The following MORC3 variants were observed in gnomAD, a reference collection of about 807,000 sequenced individuals.
MORC3 encodes the protein MORC family CW-type zinc finger protein 3.
A neutral mutation model predicts 109.1 loss-of-function variants in MORC3; 31 were observed. The observed-to-expected ratio is 0.28, with a 90% confidence interval of 0.21 to 0.38. The LOEUF is 0.38. Ranked by LOEUF, MORC3 falls within the 10% of genes least tolerant of loss-of-function variation. The pLI, the probability that MORC3 is intolerant of heterozygous loss-of-function variation, is 1.00. For synonymous variants in MORC3, 395 were observed against 380.7 expected, an observed-to-expected ratio of 1.04 and a Z score of -0.44; for missense variants, 867 against 1,135.8, an observed-to-expected ratio of 0.76 and a Z score of 3.40.
rs1394781049 is a variant in MORC3 at position 36,372,435 on chromosome 21, A to C, written c.2570A>C (p.Glu857Ala). The C allele has an allele frequency of 6.2e-7, 1 of 1,607,288 alleles. No homozygotes were observed. The highest frequency in any genetic ancestry group is 1.3e-5 in the African/African-American group (1 of 74,726). The part of the protein sequence containing the change: ...IRSQCEELKT[E>A]VEQLKSTNQQ... ...TCACAGTGTGAAGAACTCAAAACTG[A>C]AGTAGAACAGTTAAAATCTACAAAT... Residue 857 changes from glutamate (E) to alanine (A), a missense_variant, in exon 16 of 17, where the codon GAA (glutamate) becomes GCA (alanine). Glu to Ala is a moderately radical substitution (Grantham distance 107). Transcript: ENST00000400485.
chr21:36,369,047 G>C lies in MORC3; in HGVS notation c.1679G>C (p.Ser560Thr), dbSNP rs775154863. Residue 560 changes from serine to threonine, a missense_variant, in exon 15 of 17, where the codon AGT (serine) becomes ACT (threonine). Around this residue, in one of 7 missense-constraint regions of MORC3, gnomAD observed 486 missense variants for 502.1 expected, o/e 0.97. Transcript: ENST00000400485. The stretch of plus-strand genomic sequence containing the variant: ...TTGAATGCAAAGAATCGGAGATTGA[G>C]TAGTCAGTTTGAAAATTCAGTTTAT... ...SILNAKNRRL[S>T]SQFENSVYKG... 1.2e-5 allele frequency: 20 copies of C among 1,613,974 alleles called. No individual in the cohort carries two copies. The East Asian group carries it at 4.5e-4, about 36-fold the overall frequency.
At chr21:36,339,083 C>T in intron 5 of MORC3, 162 bp downstream of exon 5, 1 of 742,552 alleles carries the variant, frequency 1.3e-6, no homozygotes. Context: ...GTTATAGAGG[C>T]CATTTCAGCT....
At chr21:36,336,837 T>G in intron 2 of MORC3, 37 bp from the exon 3 acceptor site, 1 of 1,572,932 alleles carries the variant, frequency 6.4e-7, no homozygotes, top group Non-Finnish European at 8.6e-7. Context: ...CTTTTTAAAG[T>G]GTAAAATCAG....
intron 1 of MORC3, among the ~76,000 whole-genome samples, chr21:36,322,813 G>T (rs1441675570): frequency 6.6e-6 from 1 of 151,758 alleles, no homozygotes; most frequent in African/African-American, 2.4e-5. Flanking sequence ...GGTTTTTGTT[G>T]TTGATTTTTT....
chr21:36,352,663 T>C (rs1157389637), intron 9 of MORC3, among the ~76,000 whole-genome samples: 1 of 152,194 alleles, frequency 6.6e-6, no homozygotes, highest in Admixed American at 6.6e-5. Flanking sequence ...ATGTTCAGCT[T>C]GTACCAGTAG....
In MORC3 at chr21:36,364,105, CTGT is replaced by C; in HGVS notation, c.1470_1472del (p.Leu490del). On this transcript the variant is annotated inframe_deletion, in exon 14 of 17. Transcript: ENST00000400485. ...TTCCCTCCAACAGATTAATGCTGAA[CTGT>C]TGTTTCGGCCAACTGCTCTTTCAAC... 1 of 1,613,974 alleles carries C rather than the reference CTGT, an allele frequency of 6.2e-7. No homozygotes were observed. Among genetic ancestry groups the C allele is most frequent in the Non-Finnish European group, 8.5e-7 (1 of 1,179,988 alleles).
At chr21:36,372,583 A>G (rs1195282572) in intron 16 of MORC3, 52 bp downstream of exon 16, 4 of 1,496,004 alleles carry the variant, frequency 2.7e-6, no homozygotes, top group African/African-American at 1.4e-5. Flanking sequence ...TTAGGATACT[A>G]TTTATTTTTA....
chr21:36,344,150 G>T (rs1320563978), intron 6 of MORC3, among the ~76,000 whole-genome samples: 1 of 151,722 alleles, frequency 6.6e-6, no homozygotes, highest in Non-Finnish European at 1.5e-5. Flanking sequence ...TTTGAGGTGG[G>T]GGGGTCTCCC....
chr21:36,364,651 A>G (rs1198922918), intron 14 of MORC3, among the ~76,000 whole-genome samples: 1 of 152,044 alleles, frequency 6.6e-6, no homozygotes, highest in Non-Finnish European at 1.5e-5. Flanking sequence ...CGTCTCAAAA[A>G]AAAAAAGCAT....
In MORC3 at chr21:36,356,728, A is replaced by C. The variant is rs764883406; in HGVS notation, c.1208+4A>C. The C allele has an allele frequency of 6.7e-7, 1 of 1,501,768 alleles. No homozygotes were observed. The highest frequency in any genetic ancestry group is 9.1e-7 in the Non-Finnish European group (1 of 1,094,492). The allele number at this position is 1,501,768 out of a possible 1,614,324, so 93.0% of individuals were successfully genotyped here. A position where few individuals can be genotyped will look rare whatever the true frequency, so the allele number is the denominator to read the frequency against. On this transcript the variant is annotated splice_donor_region_variant and intron_variant, in intron 10 of 16. Transcript: ENST00000400485. ...ATTTGCCAGTTGAAGATATACAGTAAGTACATTTTTAAAACATATCATTTC... is the reference window on the plus strand; with the variant it reads ...ATTTGCCAGTTGAAGATATACAGTACGTACATTTTTAAAACATATCATTTC...
intron 15 of MORC3, among the ~76,000 whole-genome samples, chr21:36,371,428 T>C (rs1427102615): frequency 2.0e-5 from 2 of 97,964 alleles, no homozygotes; most frequent in Admixed American, 1.1e-4. Flanking sequence ...CCCAAAATCT[T>C]AGCCTAGCCT....
At chr21:36,344,731 A>G in intron 7 of MORC3, 24 bp downstream of exon 7, 1 of 1,611,368 alleles carries the variant, frequency 6.2e-7, no homozygotes, top group African/African-American at 1.3e-5. Context: ...GATTCCTTAT[A>G]GAGATATGTT....
At chr21:36,320,329 G>C (rs1274155198) in intron 1 of MORC3, 26 bp downstream of exon 1, 1 of 1,477,806 alleles carries the variant, frequency 6.8e-7, no homozygotes, top group Non-Finnish European at 9.0e-7. Context: ...GGGTGGAGCG[G>C]GCCGTGTCCC....
chr21:36,364,476 T>C (rs2085755497), intron 14 of MORC3, among the ~76,000 whole-genome samples: 1 of 152,110 alleles, frequency 6.6e-6, no homozygotes, highest in African/African-American at 2.4e-5. Context: ...TTAAAAAGTA[T>C]TAATTGACCA....
At position 36,369,728 on chromosome 21, in the gene MORC3, G is replaced by T; in HGVS notation, c.2360G>T (p.Cys787Phe). The change falls in exon 15 of 17, where the codon TGT becomes TTT. Residue 787 changes from cysteine to phenylalanine, a missense_variant. Physicochemically the swap from Cys to Phe is radical, Grantham distance 205. Transcript: ENST00000400485. ...GAAATAGAAAGGCTGAAAAAACAATGTAGTGCTTTGCAACATGTAAAGGCT... is the reference window on the plus strand; with the variant it reads ...GAAATAGAAAGGCTGAAAAAACAATTTAGTGCTTTGCAACATGTAAAGGCT... ...LEEIERLKKQCSALQHVKAEC... is the reference protein window; with the variant it reads ...LEEIERLKKQFSALQHVKAEC... The T allele has an allele frequency of 6.2e-7, 1 of 1,614,184 alleles. No individual in the cohort carries two copies. Among genetic ancestry groups the T allele is most frequent in the South Asian group, 1.1e-5 (1 of 91,082 alleles).
intron 1 of MORC3, among the ~76,000 whole-genome samples, chr21:36,322,180 T>C (rs1003001332): frequency 6.6e-6 from 1 of 152,148 alleles, no homozygotes; most frequent in Non-Finnish European, 1.5e-5. Flanking sequence ...GAAGAATGTT[T>C]AGTGACATAA....
chr21:36,328,175 C>G (rs1236829553), intron 1 of MORC3, among the ~76,000 whole-genome samples: 2 of 151,874 alleles, frequency 1.3e-5, no homozygotes, highest in Non-Finnish European at 2.9e-5. Flanking sequence ...CCACGCCCAG[C>G]TGTCCTATAT....
At chr21:36,350,314 A>G (rs538134921) in intron 9 of MORC3, among the ~76,000 whole-genome samples, 4 of 152,180 alleles carry the variant, frequency 2.6e-5, no homozygotes, top group Admixed American at 2.6e-4. Context: ...CTCAGGAAAA[A>G]AAAGACCACG....
At chr21:36,334,560 G>C (rs1426036161) in intron 2 of MORC3, among the ~76,000 whole-genome samples, 1 of 152,098 alleles carries the variant, frequency 6.6e-6, no homozygotes, top group Non-Finnish European at 1.5e-5. Context: ...TCAGCCTCAG[G>C]AGTATCTGGG....
Sources: allele counts gnomAD v4.1 joint callset (sites outside exome capture counted in the v4.1 genomes callset), GRCh38; gene constraint gnomAD v4.1.1; regional missense constraint gnomAD v4.1.1; transcripts MANE v1.5; gene names NCBI Gene and HGNC (gene_info 2026-07-23, HGNC 2026-07-21).